RSU1: variants seen among roughly 807,000 people sequenced by gnomAD.
The protein encoded by RSU1 is Ras suppressor protein 1.
RSU1 carries 26 observed loss-of-function variants against 31.1 expected under a neutral mutation model. The observed-to-expected ratio is 0.84, with a 90% confidence interval of 0.61 to 1.16. The LOEUF is 1.16. Ranked by LOEUF, RSU1 falls within the 50% of genes most tolerant of loss-of-function variation. The pLI is 0.00. For synonymous variants in RSU1, 164 were observed against 136.3 expected (o/e 1.20, Z -1.41); for missense variants, 320 against 339.1 (o/e 0.94, Z 0.44).
chr10:16,720,915 A>C (rs1836245473), intron 7 of RSU1, among the ~76,000 whole-genome samples: 1 of 152,106 alleles, frequency 6.6e-6, no homozygotes, highest in Non-Finnish European at 1.5e-5. Flanking sequence ...GAGCCCTGAG[A>C]GTTTGAGGCT....
At chr10:16,620,358 CA>C (rs1220838595) in intron 8 of RSU1, among the ~76,000 whole-genome samples, 4 of 151,630 alleles carry the variant, frequency 2.6e-5, no homozygotes, top group Admixed American at 2.6e-4. Context: ...TACATATAAG[CA>C]AAAAACAGTG....
At chr10:16,699,811 T>C (rs1835751214) in intron 7 of RSU1, among the ~76,000 whole-genome samples, 1 of 152,244 alleles carries the variant, frequency 6.6e-6, no homozygotes, top group Non-Finnish European at 1.5e-5. Context: ...TGATTAGCAG[T>C]GACCCTCTGA....
At position 16,817,383 on chromosome 10, in the gene RSU1, C is replaced by A; in HGVS notation, c.-72G>T. Reference sequence around the variant, plus strand: ...TTCGGCAGAACGCACTCCAGCTGCCCTCACTCCCTGCAACACCGGCACTGA... The same window carrying A: ...TTCGGCAGAACGCACTCCAGCTGCCATCACTCCCTGCAACACCGGCACTGA... On this transcript the variant is annotated 5_prime_UTR_variant, in exon 1 of 9. It adds an upstream start codon to the 5' untranslated region. Transcript: ENST00000345264. 1 of 366,852 alleles carries A rather than the reference C, an allele frequency of 2.7e-6. No homozygotes were observed. The highest frequency in any genetic ancestry group is 5.1e-6 in the Non-Finnish European group (1 of 195,492). The allele number at this position is 366,852 out of a possible 1,614,324, so 22.7% of individuals were successfully genotyped here.
At chr10:16,696,393 G>A (rs953929610) in intron 7 of RSU1, among the ~76,000 whole-genome samples, 3 of 152,116 alleles carry the variant, frequency 2.0e-5, no homozygotes, top group African/African-American at 4.8e-5. Flanking sequence ...TTTTTTATGA[G>A]GAAGATAATG....
chr10:16,673,225 C>T (rs1249870571), intron 8 of RSU1, among the ~76,000 whole-genome samples: 1 of 145,708 alleles, frequency 6.9e-6, no homozygotes, highest in Admixed American at 6.8e-5. Context: ...GACTCAGAGA[C>T]CAGAAGCGCT....
At chr10:16,799,077 G>A (rs1334207590) in intron 2 of RSU1, among the ~76,000 whole-genome samples, 2 of 152,156 alleles carry the variant, frequency 1.3e-5, no homozygotes, top group Non-Finnish European at 2.9e-5. Flanking sequence ...AAAGATAGGG[G>A]TGCCTGTAGA....
intron 7 of RSU1, among the ~76,000 whole-genome samples, chr10:16,728,996 G>C (rs1029772618): frequency 1.3e-4 from 20 of 152,204 alleles, no homozygotes; most frequent in African/African-American, 4.8e-4. Context: ...AATCGGTGCT[G>C]TTTTCAGCCA....
chr10:16,658,376 A>C (rs1834828059), intron 8 of RSU1, among the ~76,000 whole-genome samples: 1 of 152,168 alleles, frequency 6.6e-6, no homozygotes, highest in South Asian at 2.1e-4. Context: ...TGAAAATATA[A>C]AGCACATCTA....
chr10:16,756,278 C>T (rs1190239988), intron 4 of RSU1, among the ~76,000 whole-genome samples: 7 of 152,194 alleles, frequency 4.6e-5, no homozygotes, highest in South Asian at 2.1e-4. Context: ...AATGTGAATA[C>T]GCTTAACACC....
In RSU1 at chr10:16,765,297, T is replaced by C. The variant is rs1837291588; in HGVS notation, c.161-787A>G. ...TGAAATATTCACCCTCCCTAGTTTC[T>C]GATTTTGGCCTCTGGAGTAATTTAA... On this transcript the variant is annotated intron_variant, in intron 3 of 8. Transcript: ENST00000345264. Among the ~76,000 whole-genome samples, 3 of 152,196 alleles carry C rather than the reference T, an allele frequency of 2.0e-5. No homozygotes were observed. In the South Asian group the frequency reaches 6.2e-4, roughly 32 times the overall value.
intron 8 of RSU1, among the ~76,000 whole-genome samples, chr10:16,683,508 C>A (rs1300628176): frequency 6.6e-6 from 1 of 152,146 alleles, no homozygotes; most frequent in Admixed American, 6.5e-5. Context: ...TTGACACGCA[C>A]ATACTTTTGA....
At chr10:16,609,810 C>T (rs746108836) in intron 8 of RSU1, among the ~76,000 whole-genome samples, 7 of 152,216 alleles carry the variant, frequency 4.6e-5, no homozygotes, top group Non-Finnish European at 7.3e-5. Context: ...CTGAATACCT[C>T]GAGTGAGTTA....
chr10:16,799,629 G>GAA (rs58004558), intron 2 of RSU1, among the ~76,000 whole-genome samples: 5 of 151,012 alleles, frequency 3.3e-5, no homozygotes, highest in South Asian at 4.2e-4. Flanking sequence ...GAAAAAATTA[G>GAA]AAAAAAAAAT....
chr10:16,715,484 G>C (rs1836121964), intron 7 of RSU1, among the ~76,000 whole-genome samples: 1 of 152,094 alleles, frequency 6.6e-6, no homozygotes, highest in Non-Finnish European at 1.5e-5. Flanking sequence ...TCTTCTATAT[G>C]TTATTAGGCA....
intron 2 of RSU1, among the ~76,000 whole-genome samples, chr10:16,796,886 A>G (rs1441810835): frequency 1.3e-5 from 2 of 152,244 alleles, no homozygotes; most frequent in Non-Finnish European, 2.9e-5. Flanking sequence ...GTAGATGAGG[A>G]CAAGCTACCA....
chr10:16,718,022 T>C (rs1836178001), intron 7 of RSU1, among the ~76,000 whole-genome samples: 1 of 149,774 alleles, frequency 6.7e-6, no homozygotes, highest in East Asian at 2.0e-4. Flanking sequence ...TATGATACTC[T>C]ACTCAAGAAA....
At chr10:16,733,905 CAA>C (rs1447105224) in intron 7 of RSU1, among the ~76,000 whole-genome samples, 1 of 152,286 alleles carries the variant, frequency 6.6e-6, no homozygotes, top group East Asian at 1.9e-4. Flanking sequence ...TTACAGCTGG[CAA>C]AGTCTTTTAG....
At chr10:16,705,097 A>C (rs998580636) in intron 7 of RSU1, among the ~76,000 whole-genome samples, 11 of 152,214 alleles carry the variant, frequency 7.2e-5, no homozygotes, top group African/African-American at 2.7e-4. Context: ...TGTTCTAAGT[A>C]TCTCATATAC....
At chr10:16,762,013 C>G (rs187015034) in intron 4 of RSU1, among the ~76,000 whole-genome samples, 2 of 152,072 alleles carry the variant, frequency 1.3e-5, no homozygotes, top group African/African-American at 4.8e-5. Context: ...AAGTGCTCCC[C>G]GGTCTTGCTG....
Sources: allele counts gnomAD v4.1 joint callset (sites outside exome capture counted in the v4.1 genomes callset), GRCh38; gene constraint gnomAD v4.1.1; transcripts MANE v1.5; gene names NCBI Gene and HGNC (gene_info 2026-07-23, HGNC 2026-07-21).